TRMT1L: variants seen among roughly 807,000 people sequenced by gnomAD.
TRMT1L encodes tRNA methyltransferase 1L, also known as tRNA (guanine(27)-N(2))-dimethyltransferase.
In TRMT1L, 28 loss-of-function variants were observed where a neutral mutation model predicts 81.6. The ratio of observed to expected loss-of-function variants is 0.34; its 90% CI spans 0.25 to 0.47. The LOEUF (loss-of-function observed/expected upper bound fraction) is 0.47. TRMT1L is among the 20% of genes least tolerant of loss of function. The pLI is 1.00. For synonymous variants in TRMT1L, 301 were observed against 303.2 expected (o/e 0.99, Z 0.07); for missense variants, 739 against 877.1 (o/e 0.84, Z 1.99).
In TRMT1L at chr1:185,140,247, A is replaced by G. The variant is rs761107106; in HGVS notation, c.860-25T>C. The G allele has an allele frequency of 6.4e-6, 10 of 1,555,566 alleles. No individual in the cohort carries two copies. The East Asian group carries it at 2.3e-4, about 35-fold the overall frequency. On this transcript the variant is annotated intron_variant, in intron 7 of 14. Transcript: ENST00000367506. ...CCTTAGGAAAAATGGGAAGAAAATG[A>G]GTTTTATAATTGTAATAATTTTAAA...
chr1:185,124,715 C>A, intron 12 of TRMT1L: 1 of 261,314 alleles, frequency 3.8e-6, no homozygotes, highest in Admixed American at 5.4e-5. Flanking sequence ...AACAACAAAA[C>A]CAACAACACT....
At chr1:185,136,870 T>C (rs1478972905) in intron 10 of TRMT1L, among the ~76,000 whole-genome samples, 1 of 152,120 alleles carries the variant, frequency 6.6e-6, no homozygotes, top group Non-Finnish European at 1.5e-5. Flanking sequence ...AGGAAAGGTG[T>C]ACTATTCAAT....
At position 185,118,658 on chromosome 1, in the gene TRMT1L, G is replaced by T. The variant is rs999923578; in HGVS notation, c.*1361C>A. On this transcript the variant is annotated 3_prime_UTR_variant, in exon 15 of 15. Transcript: ENST00000367506. ...CTAGCTTGCACTTCACCTATTTCTT[G>T]ATTTTACCGAAATTTATGACCACAT... The T allele has an allele frequency of 8.6e-5, 13 of 151,986 alleles. No individual in the cohort carries two copies. The highest frequency in any genetic ancestry group is 2.9e-4 in the African/African-American group (12 of 41,378). 9.4% of individuals were successfully genotyped at this position (151,986 alleles called of 1,614,324 possible).
At chr1:185,141,108 G>A (rs1273776089) in intron 7 of TRMT1L, among the ~76,000 whole-genome samples, 2 of 152,114 alleles carry the variant, frequency 1.3e-5, no homozygotes, top group Non-Finnish European at 2.9e-5. Flanking sequence ...TACAAAATGG[G>A]AGATGGCAAC....
intron 3 of TRMT1L, among the ~76,000 whole-genome samples, chr1:185,148,191 C>T (rs1184212104): frequency 6.6e-6 from 1 of 152,108 alleles, no homozygotes. Flanking sequence ...TCTGACAACT[C>T]CCAAATGCAT....
At chr1:185,125,159 T>A in intron 11 of TRMT1L, 49 bp from the exon 12 acceptor site, 1 of 1,430,488 alleles carries the variant, frequency 7.0e-7, no homozygotes, top group Admixed American at 2.3e-5. Context: ...AATGTTTCTC[T>A]TTAAAAAGAA....
chr1:185,129,504 A>G (rs1652718171), intron 10 of TRMT1L, among the ~76,000 whole-genome samples: 1 of 152,190 alleles, frequency 6.6e-6, no homozygotes, highest in Non-Finnish European at 1.5e-5. Context: ...TTTTAAATCC[A>G]TTCAAGGCCC....
intron 1 of TRMT1L, among the ~76,000 whole-genome samples, chr1:185,154,403 C>G (rs1439349522): frequency 2.0e-5 from 3 of 152,156 alleles, no homozygotes; most frequent in African/African-American, 7.2e-5. Context: ...TTTCCTATAT[C>G]AGATACTGGT....
At chr1:185,156,336 A>C in intron 1 of TRMT1L, 142 bp downstream of exon 1, 1 of 1,576,854 alleles carries the variant, frequency 6.3e-7, no homozygotes, top group Non-Finnish European at 8.6e-7. Flanking sequence ...TAGCCGCTAC[A>C]CGGGCCCCTC....
At chr1:185,136,549 C>A (rs1476438846) in intron 10 of TRMT1L, among the ~76,000 whole-genome samples, 1 of 152,184 alleles carries the variant, frequency 6.6e-6, no homozygotes, top group Non-Finnish European at 1.5e-5. Context: ...TTGTAGGAAG[C>A]TTCAAAAATC....
intron 3 of TRMT1L, among the ~76,000 whole-genome samples, chr1:185,148,031 A>T (rs1653235267): frequency 6.6e-6 from 1 of 152,132 alleles, no homozygotes; most frequent in South Asian, 2.1e-4. Context: ...GTCATCTCTA[A>T]TGCATTTTTC....
upstream of TRMT1L, chr1:185,156,984 T>A (rs1480727890): frequency 2.0e-6 from 1 of 491,778 alleles, no homozygotes; most frequent in African/African-American, 2.0e-5. Context: ...AGAAGCGTAC[T>A]GGGGACGGCG....
intron 13 of TRMT1L, among the ~76,000 whole-genome samples, chr1:185,122,820 T>G (rs12026000): frequency 0.1 from 15,114 of 151,692 alleles, 974 homozygotes; most frequent in East Asian, 0.25. Context: ...AAGTAGCTGG[T>G]ATTACAGGCT....
chr1:185,129,125 A>G (rs939658076), intron 10 of TRMT1L, among the ~76,000 whole-genome samples: 1 of 152,150 alleles, frequency 6.6e-6, no homozygotes, highest in Non-Finnish European at 1.5e-5. Flanking sequence ...GAAATAATAT[A>G]AGGAAGGAGA....
At chr1:185,148,569 T>G (rs920272224) in intron 3 of TRMT1L, among the ~76,000 whole-genome samples, 3 of 152,164 alleles carry the variant, frequency 2.0e-5, no homozygotes, top group African/African-American at 4.8e-5. Flanking sequence ...CCCAATAGCC[T>G]AATGTACATG....
rs1421139961 is a variant in TRMT1L, at chr1:185,143,904, ACCGATTT to A, written c.774_779+1del. On this transcript the variant is annotated splice_donor_variant and coding_sequence_variant, in exon 6 of 15. Transcript: ENST00000367506. LOFTEE classifies it high-confidence loss of function. ...CATAACCCTATTTTCAATTTATCTTACCGATTTAGTTTCATTTTGGGGTTAAAATAGG... is the reference window on the plus strand; with the variant it reads ...CATAACCCTATTTTCAATTTATCTTAAGTTTCATTTTGGGGTTAAAATAGG... The A allele has an allele frequency of 6.2e-7, 1 of 1,604,126 alleles. No individual in the cohort carries two copies. The highest frequency in any genetic ancestry group is 8.5e-7 in the Non-Finnish European group (1 of 1,173,886).
chr1:185,129,090 C>T (rs1328472707), intron 10 of TRMT1L, among the ~76,000 whole-genome samples: 1 of 152,004 alleles, frequency 6.6e-6, no homozygotes, highest in Non-Finnish European at 1.5e-5. Context: ...AGAGGTGTAA[C>T]TGATATTTAC....
intron 4 of TRMT1L, among the ~76,000 whole-genome samples, chr1:185,145,829 T>C (rs1653173589): frequency 6.6e-6 from 1 of 151,986 alleles, no homozygotes; most frequent in Non-Finnish European, 1.5e-5. Context: ...TTTCTATAGG[T>C]TGCATTTAAA....
Position 185,156,847 on chromosome 1 carries a change from A to G in TRMT1L, c.-135T>C. The G allele has an allele frequency of 8.0e-7, 1 of 1,243,004 alleles. No homozygotes were observed. The highest frequency in any genetic ancestry group is 2.8e-5 in the East Asian group (1 of 35,912). The allele number at this position is 1,243,004 out of a possible 1,614,324, so 77.0% of individuals were successfully genotyped here. A position where few individuals can be genotyped will look rare whatever the true frequency, so the allele number is the denominator to read the frequency against. ...AAGTGGGGAGGGCGGGATGCGTGCAACAGACAAAAGATGAAGAACCAGTGA... is the reference window on the plus strand; with the variant it reads ...AAGTGGGGAGGGCGGGATGCGTGCAGCAGACAAAAGATGAAGAACCAGTGA... On this transcript the variant is annotated 5_prime_UTR_variant, in exon 1 of 15. Coordinates refer to ENST00000367506, the MANE Select transcript of TRMT1L (RefSeq NM_030934.5).
Sources: gnomAD v4.1 joint callset for allele counts (sites outside exome capture counted in the v4.1 genomes callset) on GRCh38, gnomAD v4.1.1 for gene constraint, MANE v1.5 for transcripts, NCBI Gene and HGNC (gene_info 2026-07-23, HGNC 2026-07-21) for gene names.